STK3: variants seen among roughly 807,000 people sequenced by gnomAD.
STK3 encodes serine/threonine kinase 3.
In STK3, 41 loss-of-function variants were observed where a neutral mutation model predicts 58.0. The observed-to-expected ratio is 0.71, with a 90% CI of 0.55 to 0.92. STK3 has a LOEUF of 0.92. Ranked by LOEUF, STK3 falls within the 40% of genes least tolerant of loss-of-function variation. The pLI, the probability that STK3 is intolerant of heterozygous loss-of-function variation, is 0.00. For synonymous variants in STK3, 170 were observed against 191.0 expected (o/e 0.89, Z 0.91); for missense variants, 479 against 602.7 (o/e 0.79, Z 2.15).
At chr8:98,649,200 C>T (rs1820668685) in intron 6 of STK3, among the ~76,000 whole-genome samples, 1 of 151,634 alleles carries the variant, frequency 6.6e-6, no homozygotes, top group Non-Finnish European at 1.5e-5. Flanking sequence ...ACTGGATTGT[C>T]TTTTGACACT....
chr8:98,579,636 A>T (rs1813695816), intron 8 of STK3, 28 bp downstream of exon 8: 1 of 1,598,292 alleles, frequency 6.3e-7, no homozygotes, highest in African/African-American at 1.3e-5. Context: ...AGAAGAAAAA[A>T]ATCAACTTTT....
At chr8:98,910,839 C>T (rs1487326181) in intron 1 of STK3, among the ~76,000 whole-genome samples, 1 of 152,170 alleles carries the variant, frequency 6.6e-6, no homozygotes, top group Non-Finnish European at 1.5e-5. Flanking sequence ...ATGTCCCTCC[C>T]ACGGTTACAG....
At chr8:98,914,596 G>A (rs1163250907) in intron 1 of STK3, among the ~76,000 whole-genome samples, 1 of 151,930 alleles carries the variant, frequency 6.6e-6, no homozygotes, top group Admixed American at 6.6e-5. Flanking sequence ...TCATGTTGCC[G>A]CTATTGACAT....
At position 98,642,899 on chromosome 8, in the gene STK3, G is replaced by T. The variant is rs1348593061; in HGVS notation, c.685-46730C>A. Among the ~76,000 whole-genome samples the T allele has an allele frequency of 2.0e-5, 3 of 152,130 alleles. No individual in the cohort carries two copies. The East Asian group carries it at 5.8e-4, about 29-fold the overall frequency. On this transcript the variant is annotated intron_variant, in intron 6 of 10. Transcript: ENST00000419617. ...CACAGTGTTCTTATAAATCTTCAAT[G>T]GCAAGTCCATTTGACTGACACTATT...
chr8:98,895,118 G>A (rs552242078), intron 1 of STK3, among the ~76,000 whole-genome samples: 2 of 152,290 alleles, frequency 1.3e-5, no homozygotes, highest in East Asian at 3.9e-4. Context: ...TCTGAAAGAA[G>A]ACACAGATGT....
intron 1 of STK3, among the ~76,000 whole-genome samples, chr8:98,938,886 A>C (rs1447509944): frequency 6.6e-6 from 1 of 152,228 alleles, no homozygotes; most frequent in Non-Finnish European, 1.5e-5. Flanking sequence ...CAAGTGTTAC[A>C]AATAGTTAGA....
intron 6 of STK3, among the ~76,000 whole-genome samples, chr8:98,624,030 A>C (rs947913941): frequency 1.3e-5 from 2 of 152,254 alleles, no homozygotes; most frequent in African/African-American, 4.8e-5. Flanking sequence ...AACTGCTAAT[A>C]GTCTCCAGTT....
At chr8:98,729,034 A>G (rs1827989361) in intron 4 of STK3, among the ~76,000 whole-genome samples, 1 of 152,024 alleles carries the variant, frequency 6.6e-6, no homozygotes, top group Admixed American at 6.6e-5. Context: ...TTCTAAGGGC[A>G]CTTGGATAAA....
rs145060483 is a variant in STK3, at chr8:98,771,316, T to C, written c.107+3423A>G. ...GCTAAAAGGTCACTGTACAGACATA[T>C]CACGTTTTGTTTATTCACCTGGGAT... On this transcript the variant is annotated intron_variant, in intron 2 of 10. Transcript: ENST00000419617. Among the ~76,000 whole-genome samples the C allele has an allele frequency of 2.6e-5, 4 of 152,360 alleles. No homozygotes were observed. In the East Asian group the frequency reaches 7.7e-4, roughly 29 times the overall value.
At position 98,447,561 on chromosome 8, in the gene STK3, T is replaced by G. The variant is rs555893558; in HGVS notation, n.186-10353A>C. Among the ~76,000 whole-genome samples, 6 of 147,980 alleles carry G rather than the reference T, an allele frequency of 4.1e-5. No individual in the cohort carries two copies. The East Asian group carries it at 9.7e-4, about 24-fold the overall frequency. On this transcript the variant is annotated intron_variant and non_coding_transcript_variant, in intron 1 of 3. Coordinates refer to the STK3 transcript ENST00000517832. ...ATTGCATATATACTATATATATATA[T>G]AGTATCTATATATTGCAATACTATA...
rs1586781874 is a variant in STK3, at chr8:98,527,014, T to C, written c.1142-97A>G. Reference sequence around the variant, plus strand: ...TTTTTTTATGAAGCCATATAATAAATTTGCACTGGTCAGATTCAAGGCCAA... The same window carrying C: ...TTTTTTTATGAAGCCATATAATAAACTTGCACTGGTCAGATTCAAGGCCAA... On this transcript the variant is annotated intron_variant, in intron 9 of 10. Coordinates refer to ENST00000419617, the MANE Select transcript of STK3 (RefSeq NM_006281.4). 3.0e-6 allele frequency: 3 copies of C among 992,268 alleles called. No homozygotes were observed. In the East Asian group the frequency reaches 7.8e-5, roughly 26 times the overall value. 61.5% of individuals were successfully genotyped at this position (992,268 alleles called of 1,614,324 possible). A position where few individuals can be genotyped will look rare whatever the true frequency, so the allele number is the denominator to read the frequency against.
chr8:98,494,541 G>A (rs935285789), intron 10 of STK3, among the ~76,000 whole-genome samples: 36 of 151,048 alleles, frequency 2.4e-4, no homozygotes, highest in African/African-American at 8.0e-4. Context: ...TGTAATCCCA[G>A]CACTTTGGGA....
chr8:98,842,241 A>G (rs1836021113), intron 3 of STK3, among the ~76,000 whole-genome samples: 3 of 152,214 alleles, frequency 2.0e-5, no homozygotes, highest in Non-Finnish European at 4.4e-5. Flanking sequence ...GCAATTTTTT[A>G]AAGTCTCAAA....
intron 6 of STK3, among the ~76,000 whole-genome samples, chr8:98,670,308 A>C (rs1469052764): frequency 2.0e-5 from 3 of 151,990 alleles, no homozygotes; most frequent in Non-Finnish European, 4.4e-5. Flanking sequence ...GTTGCAGTGA[A>C]CCGTGATCGC....
chr8:98,461,032 C>T (rs555626608), intron 10 of STK3, among the ~76,000 whole-genome samples: 10 of 152,262 alleles, frequency 6.6e-5, no homozygotes, highest in African/African-American at 2.4e-4. Context: ...AAGTTTAAGT[C>T]CTGTCTTCAT....
chr8:98,721,276 A>C lies in STK3; in HGVS notation c.352-13965T>G, dbSNP rs575811252. On this transcript the variant is annotated intron_variant, in intron 4 of 10. Coordinates refer to ENST00000419617, the MANE Select transcript of STK3 (RefSeq NM_006281.4). ...AGATAGTTTCTAATCAAAAAAAGCA[A>C]AGAAAGAATTATGAGAACTTATTAG... 3.8e-5 allele frequency: 10 copies of C among 265,906 alleles called. No individual in the cohort carries two copies. The East Asian group carries it at 1.8e-3, about 47-fold the overall frequency. 16.5% of individuals were successfully genotyped at this position (265,906 alleles called of 1,614,324 possible).
intron 10 of STK3, among the ~76,000 whole-genome samples, chr8:98,508,372 G>C (rs868636084): frequency 1.3e-5 from 2 of 152,088 alleles, no homozygotes; most frequent in Non-Finnish European, 1.5e-5. Flanking sequence ...AATAGTTGTG[G>C]CTCATATTGT....
the STK3 span, among the ~76,000 whole-genome samples, chr8:98,355,859 G>A: frequency 9.2e-5 from 14 of 152,196 alleles, no homozygotes; most frequent in East Asian, 1.2e-3. Context: ...GTTGGATGGC[G>A]CTATGTAACC....
intron 6 of STK3, among the ~76,000 whole-genome samples, chr8:98,637,055 A>ATTT (rs199727972): frequency 4.3e-5 from 6 of 140,160 alleles, no homozygotes; most frequent in African/African-American, 1.6e-4. Context: ...CATTTGTAAG[A>ATTT]TTTTTTTTTT....
Sources: gnomAD v4.1 joint callset for allele counts (sites outside exome capture counted in the v4.1 genomes callset) on GRCh38, gnomAD v4.1.1 for gene constraint, MANE v1.5 for transcripts, NCBI Gene and HGNC (gene_info 2026-07-23, HGNC 2026-07-21) for gene names.